Variants in GALNT13 observed in about 807,000 individuals in gnomAD.
GALNT13 encodes the protein polypeptide N-acetylgalactosaminyltransferase 13.
GALNT13 carries 28 observed loss-of-function variants against 64.2 expected under a neutral mutation model. That is an observed-to-expected ratio of 0.44 (90% CI 0.32 to 0.60). The LOEUF (loss-of-function observed/expected upper bound fraction) is 0.60, where lower values mean the gene tolerates loss of function less well. GALNT13 is among the 20% of genes least tolerant of loss of function. The pLI, the probability that GALNT13 is intolerant of heterozygous loss-of-function variation, is 0.05. For synonymous variants in GALNT13, 214 were observed against 224.6 expected, an observed-to-expected ratio of 0.95 and a Z score of 0.42; for missense variants, 577 against 669.8, an observed-to-expected ratio of 0.86 and a Z score of 1.53.
intron 4 of GALNT13, among the ~76,000 whole-genome samples, chr2:154,180,355 C>G (rs1228851253): frequency 6.6e-6 from 1 of 151,602 alleles, no homozygotes; most frequent in Admixed American, 6.6e-5. Context: ...GTATATTAAA[C>G]ATTTTGGTAG....
At chr2:154,289,354 G>C (rs1451304031) in intron 8 of GALNT13, among the ~76,000 whole-genome samples, 1 of 152,172 alleles carries the variant, frequency 6.6e-6, no homozygotes, top group Non-Finnish European at 1.5e-5. Context: ...TCACACTGCT[G>C]ATAAAGAAAT....
At chr2:153,793,506 T>C in the GALNT13 span, among the ~76,000 whole-genome samples, 2 of 152,152 alleles carry the variant, frequency 1.3e-5, no homozygotes, top group African/African-American at 2.4e-5. Flanking sequence ...CCACAGCTCC[T>C]CAAATGACAT....
chr2:153,960,542 TTAA>T (rs1021211266), intron 3 of GALNT13, among the ~76,000 whole-genome samples: 10 of 152,332 alleles, frequency 6.6e-5, no homozygotes, highest in African/African-American at 2.4e-4. Flanking sequence ...ATACCCATTT[TTAA>T]TTGCATACAG....
chr2:153,795,524 CTT>C, the GALNT13 span, among the ~76,000 whole-genome samples: 1 of 144,880 alleles, frequency 6.9e-6, no homozygotes. Context: ...CAGCTAGGTA[CTT>C]TTTTTTTTTG....
chr2:154,147,977 T>A (rs565770162), intron 4 of GALNT13, among the ~76,000 whole-genome samples: 1 of 152,092 alleles, frequency 6.6e-6, no homozygotes, highest in Non-Finnish European at 1.5e-5. Flanking sequence ...TGCAGGTTAG[T>A]TACATATGTA....
At chr2:153,184,084 T>C in the GALNT13 span, among the ~76,000 whole-genome samples, 108 of 152,364 alleles carry the variant, frequency 7.1e-4, no homozygotes, top group African/African-American at 2.5e-3. Context: ...TTTCATGATA[T>C]TGATTCTTCC....
At chr2:153,381,504 A>G in the GALNT13 span, among the ~76,000 whole-genome samples, 2 of 152,120 alleles carry the variant, frequency 1.3e-5, no homozygotes, top group African/African-American at 4.8e-5. Flanking sequence ...TTAATAATGG[A>G]TATGTTGCCT....
At chr2:154,197,226 A>G (rs1395953087) in intron 4 of GALNT13, among the ~76,000 whole-genome samples, 1 of 152,166 alleles carries the variant, frequency 6.6e-6, no homozygotes, top group Non-Finnish European at 1.5e-5. Flanking sequence ...CAAAAGAAAA[A>G]GAAAAAAGAA....
At chr2:154,134,940 C>T (rs1017415019) in intron 3 of GALNT13, among the ~76,000 whole-genome samples, 5 of 152,208 alleles carry the variant, frequency 3.3e-5, no homozygotes, top group Middle Eastern at 3.4e-3. Flanking sequence ...GAGCTGAGAT[C>T]GCACCACTGC....
the GALNT13 span, among the ~76,000 whole-genome samples, chr2:153,531,603 C>T: frequency 6.6e-6 from 1 of 152,092 alleles, no homozygotes; most frequent in African/African-American, 2.4e-5. Flanking sequence ...CAACAGTTCC[C>T]CAAAGTCTTA....
chr2:153,265,332 G>T, the GALNT13 span, among the ~76,000 whole-genome samples: 2 of 152,122 alleles, frequency 1.3e-5, no homozygotes, highest in African/African-American at 4.8e-5. Flanking sequence ...CGTGTGGCTT[G>T]CAGGAACTCA....
At chr2:153,856,675 A>C in the GALNT13 span, among the ~76,000 whole-genome samples, 1 of 152,196 alleles carries the variant, frequency 6.6e-6, no homozygotes, top group East Asian at 1.9e-4. Flanking sequence ...TCTGAACAAT[A>C]GGGAAAATTT....
chr2:154,376,434 G>T (rs985280841), intron 9 of GALNT13, among the ~76,000 whole-genome samples: 3 of 152,024 alleles, frequency 2.0e-5, no homozygotes, highest in Non-Finnish European at 4.4e-5. Context: ...AGCACATAAA[G>T]ATAAAAAATC....
the GALNT13 span, among the ~76,000 whole-genome samples, chr2:153,222,415 G>A: frequency 1.3e-5 from 1 of 75,628 alleles, no homozygotes; most frequent in Non-Finnish European, 2.7e-5. Context: ...CGGGCCTGGA[G>A]AAAGCACCTT....
At chr2:153,868,248 C>T (rs1685797822), upstream of GALNT13, among the ~76,000 whole-genome samples, 1 of 152,074 alleles carries the variant, frequency 6.6e-6, no homozygotes, top group East Asian at 1.9e-4. Flanking sequence ...AAGTTTTGTG[C>T]AGGCTGTCTT....
chr2:153,909,303 T>A (rs1052954730), intron 2 of GALNT13, among the ~76,000 whole-genome samples: 1 of 152,162 alleles, frequency 6.6e-6, no homozygotes, highest in African/African-American at 2.4e-5. Flanking sequence ...CCTGAAACTT[T>A]GCTGAGGTTT....
At chr2:153,779,290 T>C in the GALNT13 span, among the ~76,000 whole-genome samples, 1 of 152,178 alleles carries the variant, frequency 6.6e-6, no homozygotes, top group African/African-American at 2.4e-5. Flanking sequence ...TGCTAGTAAG[T>C]AATTAAAGTG....
intron 3 of GALNT13, among the ~76,000 whole-genome samples, chr2:154,111,329 A>T (rs1365158501): frequency 6.6e-6 from 1 of 152,188 alleles, no homozygotes; most frequent in South Asian, 2.1e-4. Flanking sequence ...GCATGGTAAT[A>T]TTAAGAGACA....
chr2:153,907,494 G>T (rs544869587), intron 2 of GALNT13, among the ~76,000 whole-genome samples: 18 of 151,766 alleles, frequency 1.2e-4, no homozygotes, highest in African/African-American at 4.3e-4. Flanking sequence ...AGATTATTTT[G>T]TCACTGGAAT....
Sources: allele counts gnomAD v4.1 joint callset (sites outside exome capture counted in the v4.1 genomes callset), GRCh38; gene constraint gnomAD v4.1.1; transcripts MANE v1.5; gene names NCBI Gene and HGNC (gene_info 2026-07-23, HGNC 2026-07-21).